Variants in TTC27 observed in about 807,000 individuals in gnomAD.
TTC27 encodes the protein tetratricopeptide repeat domain 27, also known as tetratricopeptide repeat protein 27.
In TTC27, 79 loss-of-function variants were observed where a neutral mutation model predicts 115.9. The observed-to-expected ratio is 0.68, with a 90% CI of 0.57 to 0.82. The LOEUF (loss-of-function observed/expected upper bound fraction) is 0.82. TTC27 is among the 40% of genes least tolerant of loss of function. The pLI, the probability that TTC27 is intolerant of heterozygous loss-of-function variation, is 0.00. For synonymous variants in TTC27, 401 were observed against 356.0 expected, an observed-to-expected ratio of 1.13 and a Z score of -1.42; for missense variants, 1,054 against 993.1, an observed-to-expected ratio of 1.06 and a Z score of -0.82.
chr2:32,689,490 A>G (rs549804953), intron 9 of TTC27, among the ~76,000 whole-genome samples: 61 of 152,254 alleles, frequency 4.0e-4, no homozygotes, highest in Non-Finnish European at 5.4e-4. Context: ...TGTAGAACAA[A>G]TTCCCAATAG....
At chr2:32,756,458 A>C (rs1442760514) in intron 12 of TTC27, among the ~76,000 whole-genome samples, 1 of 152,220 alleles carries the variant, frequency 6.6e-6, no homozygotes, top group Non-Finnish European at 1.5e-5. Flanking sequence ...TGGGACTTAA[A>C]AGTATTTTTT....
rs147556139 is a variant in TTC27, at chr2:32,641,116, C to G, written c.537+706C>G. 3.3e-5 allele frequency among the ~76,000 whole-genome samples: 5 copies of G among 152,280 alleles called. No homozygotes were observed. The East Asian group carries it at 9.6e-4, about 29-fold the overall frequency. ...ATGGGTCTTAATTTCTGTTTTCTGG[C>G]TCACATTCTATGTTATGTCATTATT... On this transcript the variant is annotated intron_variant, in intron 4 of 19. Coordinates refer to ENST00000317907, the MANE Select transcript of TTC27 (RefSeq NM_017735.5).
At chr2:32,695,852 C>T (rs12996214) in intron 9 of TTC27, among the ~76,000 whole-genome samples, 48,282 of 150,794 alleles carry the variant, frequency 0.32, 8,553 homozygotes, top group Non-Finnish European at 0.39. Flanking sequence ...TGCAGTGAAC[C>T]GAGATGGCGC....
At chr2:32,750,802 G>A (rs971510) in intron 12 of TTC27, among the ~76,000 whole-genome samples, 101,229 of 152,074 alleles carry the variant, frequency 0.67, 34,291 homozygotes, top group East Asian at 0.76. Context: ...ATGGATTTTT[G>A]TAAATTCAAC....
chr2:32,628,086 T>A lies in TTC27; in HGVS notation c.-207T>A. Reference sequence around the variant, plus strand: ...CGGAAGCCAGACCAGAGAGCGTGCGTGTTTTTCCCAGGGTGCCCCGCGCTG... The same window carrying A: ...CGGAAGCCAGACCAGAGAGCGTGCGAGTTTTTCCCAGGGTGCCCCGCGCTG... On this transcript the variant is annotated 5_prime_UTR_variant, in exon 1 of 20. Coordinates refer to ENST00000317907, the MANE Select transcript of TTC27 (RefSeq NM_017735.5). The A allele has an allele frequency of 1.8e-6, 1 of 552,412 alleles. No homozygotes were observed. The highest frequency in any genetic ancestry group is 3.2e-6 in the Non-Finnish European group (1 of 311,920). 34.2% of individuals were successfully genotyped at this position (552,412 alleles called of 1,614,324 possible).
chr2:32,727,278 TG>T (rs1308605385), intron 10 of TTC27, among the ~76,000 whole-genome samples: 2 of 152,216 alleles, frequency 1.3e-5, no homozygotes, highest in Non-Finnish European at 2.9e-5. Flanking sequence ...TTGTGAAATG[TG>T]TCCACATTGG....
intron 16 of TTC27, among the ~76,000 whole-genome samples, chr2:32,798,762 AT>A (rs1300954838): frequency 6.6e-6 from 1 of 151,980 alleles, no homozygotes; most frequent in Admixed American, 6.6e-5. Context: ...ACATGGAGAA[AT>A]TGGAATCCTT....
chr2:32,696,693 C>A (rs959662959), intron 9 of TTC27, among the ~76,000 whole-genome samples: 11 of 152,184 alleles, frequency 7.2e-5, no homozygotes. Flanking sequence ...ATGCAAATAT[C>A]TGACTTCAAT....
chr2:32,681,302 T>A (rs1333955804), intron 9 of TTC27, among the ~76,000 whole-genome samples: 3 of 152,188 alleles, frequency 2.0e-5, no homozygotes, highest in African/African-American at 4.8e-5. Context: ...GACATTTTTT[T>A]AATCTCAAAT....
At chr2:32,630,425 T>G in intron 1 of TTC27, 98 bp from the exon 2 acceptor site, 1 of 913,830 alleles carries the variant, frequency 1.1e-6, no homozygotes. Flanking sequence ...ATAGATTGTT[T>G]TTGCACACTA....
At chr2:32,788,316 ATC>A (rs1270231298) in intron 16 of TTC27, among the ~76,000 whole-genome samples, 1 of 152,212 alleles carries the variant, frequency 6.6e-6, no homozygotes, top group Non-Finnish European at 1.5e-5. Context: ...ATTCTTTAGA[ATC>A]ACACACTGTC....
chr2:32,763,613 A>G (rs1216438788), intron 13 of TTC27, among the ~76,000 whole-genome samples: 1 of 152,242 alleles, frequency 6.6e-6, no homozygotes, highest in Non-Finnish European at 1.5e-5. Context: ...CTATAAATTG[A>G]GTGAGAGCTC....
chr2:32,753,498 C>T (rs183563033), intron 12 of TTC27, among the ~76,000 whole-genome samples: 2,439 of 120,704 alleles, frequency 0.02, 59 homozygotes, highest in African/African-American at 0.072. Context: ...AGTGCAGTGG[C>T]TTGATCACAG....
intron 6 of TTC27, 111 bp from the exon 7 acceptor site, chr2:32,666,524 A>G (rs902148113): frequency 2.6e-6 from 3 of 1,159,582 alleles, no homozygotes; most frequent in African/African-American, 3.2e-5. Flanking sequence ...TCTTATGTGA[A>G]ATGGAGAAAA....
rs570843722 is a variant in TTC27 at position 32,662,065 on chromosome 2, A to C, written c.641-2238A>C. 5.9e-5 allele frequency among the ~76,000 whole-genome samples: 9 copies of C among 152,236 alleles called. No homozygotes were observed. The South Asian group carries it at 1.9e-3, about 32-fold the overall frequency. ...CACGGTTCTGTTTATGTGATGGATT[A>C]TGTTTATTAATTTGCATATGTTGAA... On this transcript the variant is annotated intron_variant, in intron 5 of 19. Transcript: ENST00000317907.
chr2:32,694,776 G>T (rs1168518317), intron 9 of TTC27, among the ~76,000 whole-genome samples: 2 of 150,492 alleles, frequency 1.3e-5, no homozygotes, highest in Non-Finnish European at 2.9e-5. Context: ...AGGCTCAAGC[G>T]ATCTTCCTGC....
intron 12 of TTC27, among the ~76,000 whole-genome samples, chr2:32,745,301 T>C (rs555424990): frequency 1.3e-5 from 2 of 152,246 alleles, no homozygotes; most frequent in East Asian, 1.9e-4. Context: ...ATCAGGACTT[T>C]TTAGCTCTCT....
At chr2:32,817,394 T>C in intron 18 of TTC27, 63 bp from the exon 19 acceptor site, 1 of 1,376,694 alleles carries the variant, frequency 7.3e-7, no homozygotes, top group Non-Finnish European at 1.0e-6. Flanking sequence ...TAATTGGCTT[T>C]TGTACCTGTG....
chr2:32,812,444 C>CAA, intron 17 of TTC27, 60 bp from the exon 18 acceptor site: 1 of 1,286,222 alleles, frequency 7.8e-7, no homozygotes, highest in South Asian at 1.2e-5. Context: ...TTCCAGGAAA[C>CAA]AGAGTTTGAA....
Sources: allele counts gnomAD v4.1 joint callset (sites outside exome capture counted in the v4.1 genomes callset), GRCh38; gene constraint gnomAD v4.1.1; transcripts MANE v1.5; gene names NCBI Gene and HGNC (gene_info 2026-07-23, HGNC 2026-07-21).